The following SEZ6 variants were observed in gnomAD, a reference collection of about 807,000 sequenced individuals.
SEZ6 encodes the protein seizure protein 6 homolog.
SEZ6 carries 53 observed loss-of-function variants against 101.0 expected under a neutral mutation model. That is an observed-to-expected ratio of 0.52 (90% CI 0.42 to 0.66). SEZ6 has a LOEUF of 0.66. SEZ6 is among the 30% of genes least tolerant of loss of function. The pLI is 0.00. For missense variants in SEZ6, 1,102 were observed against 1,289.4 expected (o/e 0.85, Z 2.23); for synonymous variants, 488 against 512.2 (o/e 0.95, Z 0.64).
chr17:28,955,580 G>A lies in SEZ6; in HGVS notation c.*382C>T. 6.2e-6 allele frequency: 3 copies of A among 483,342 alleles called. No individual in the cohort carries two copies. Among genetic ancestry groups the A allele is most frequent in the South Asian group, 4.6e-5 (3 of 64,698 alleles). 29.9% of individuals were successfully genotyped at this position (483,342 alleles called of 1,614,324 possible). ...CATGGTCAAGTTAATCCTGCTGCAG[G>A]TTGCCATGCCAGGGCGGGATGGTGG... On this transcript the variant is annotated 3_prime_UTR_variant, in exon 17 of 17. Transcript: ENST00000317338.
Position 28,981,425 on chromosome 17 carries a change from TCTC to T in SEZ6, c.667_669del (p.Glu223del), listed in dbSNP as rs767181698. 2.4e-5 allele frequency: 37 copies of T among 1,556,206 alleles called. No homozygotes were observed. Among genetic ancestry groups the T allele is most frequent in the Non-Finnish European group, 2.6e-5 (30 of 1,149,544 alleles). ...GTGATGATGGTGGTGGTAGTGGTGG[TCTC>T]CTCATCATCTCCTGAAGCTGTGGAG... On this transcript the variant is annotated inframe_deletion, in exon 2 of 17. Transcript: ENST00000317338.
At chr17:28,965,415 G>A (rs1312715658) in intron 4 of SEZ6, among the ~76,000 whole-genome samples, 2 of 152,090 alleles carry the variant, frequency 1.3e-5, no homozygotes, top group East Asian at 1.9e-4. Context: ...AAGGTGGGAG[G>A]ATTGCTTGAG....
chr17:28,972,003 G>A (rs763211817), intron 3 of SEZ6, among the ~76,000 whole-genome samples: 7 of 152,240 alleles, frequency 4.6e-5, no homozygotes, highest in African/African-American at 7.2e-5. Flanking sequence ...GTATCTCTGC[G>A]GCCCTCATTA....
At chr17:28,989,000 C>A (rs1307764658) in intron 1 of SEZ6, among the ~76,000 whole-genome samples, 1 of 152,186 alleles carries the variant, frequency 6.6e-6, no homozygotes, top group African/African-American at 2.4e-5. Context: ...CCTTAGCCAT[C>A]CTGGTTGGGG....
Position 28,959,608 on chromosome 17 carries a change from C to A in SEZ6, c.1771+90G>T. The A allele has an allele frequency of 1.3e-6, 2 of 1,535,442 alleles. No individual in the cohort carries two copies. Among genetic ancestry groups the A allele is most frequent in the South Asian group, 2.5e-5 (2 of 80,200 alleles). ...GAGGAAGCCTGAACCACGCATATCA[C>A]AGGGCCCCTGTGGCCCCGGGCTCTG... is the stretch of plus-strand genomic sequence containing the variant. On this transcript the variant is annotated intron_variant, in intron 8 of 16. Coordinates refer to ENST00000317338, the MANE Select transcript of SEZ6 (RefSeq NM_178860.5). The surrounding 1 kb of genome is among the most constrained non-coding windows in gnomAD (Gnocchi z 4.4).
At chr17:28,967,584 G>A (rs948569210) in intron 4 of SEZ6, among the ~76,000 whole-genome samples, 15 of 152,314 alleles carry the variant, frequency 9.8e-5, no homozygotes, top group African/African-American at 3.6e-4. Context: ...GGGGTGTGGG[G>A]CACCACACCC....
At chr17:28,994,244 G>A (rs549204368) in intron 1 of SEZ6, among the ~76,000 whole-genome samples, 5 of 152,126 alleles carry the variant, frequency 3.3e-5, no homozygotes, top group Admixed American at 1.3e-4. Context: ...GGGCCTGGCC[G>A]GTTTTTCACA....
At chr17:28,967,873 G>A (rs778989078) in intron 4 of SEZ6, among the ~76,000 whole-genome samples, 5 of 152,118 alleles carry the variant, frequency 3.3e-5, no homozygotes, top group Non-Finnish European at 7.4e-5. Context: ...CATGACAACC[G>A]TTCCCGGGGA....
In SEZ6 at chr17:28,960,859, C is replaced by G. The variant is rs766040195; in HGVS notation, c.1355G>C (p.Gly452Ala). 6.2e-7 allele frequency: 1 copy of G among 1,613,962 alleles called. No individual in the cohort carries two copies. The highest frequency in any genetic ancestry group is 2.2e-5 in the East Asian group (1 of 44,882). Residue 452 changes from glycine (G) to alanine (A), a missense_variant, in exon 6 of 17, where the codon GGC (glycine) becomes GCC (alanine). Transcript: ENST00000317338. ...CTCAAAGTGCAGGTGTAGCCGCTGG[C>G]CCTCAGGAGCCTCAAGCAGCCAGTG... ...TCHWLLEAPE[G>A]QRLHLHFEKV...
At chr17:28,973,839 C>A in intron 3 of SEZ6, among the ~76,000 whole-genome samples, 1 of 152,162 alleles carries the variant, frequency 6.6e-6, no homozygotes, top group East Asian at 1.9e-4. Context: ...ATACCCATAG[C>A]CAGTGACAGG....
At chr17:29,000,062 A>G (rs139312587) in intron 1 of SEZ6, among the ~76,000 whole-genome samples, 2 of 152,370 alleles carry the variant, frequency 1.3e-5, no homozygotes, top group East Asian at 1.9e-4. Flanking sequence ...AATAACTTCT[A>G]TCTCACAGAG....
chr17:28,977,657 C>T (rs563265479), intron 3 of SEZ6, among the ~76,000 whole-genome samples: 1 of 152,248 alleles, frequency 6.6e-6, no homozygotes, highest in Admixed American at 6.5e-5. Context: ...GTGGAGGGTG[C>T]CAGGGCTGGG....
At chr17:28,969,124 G>C (rs2152686112) in intron 4 of SEZ6, among the ~76,000 whole-genome samples, 1 of 152,332 alleles carries the variant, frequency 6.6e-6, no homozygotes, top group South Asian at 2.1e-4. Context: ...AACAGCCAAT[G>C]AGGAGATTCA....
chr17:28,980,199 TTTTC>T (rs2041279289), intron 2 of SEZ6, among the ~76,000 whole-genome samples: 1 of 139,470 alleles, frequency 7.2e-6, no homozygotes, highest in Non-Finnish European at 1.5e-5. Flanking sequence ...ATGAGGTTTG[TTTTC>T]TTTCTTTTTT....
chr17:28,992,036 A>G (rs2041468362), intron 1 of SEZ6, among the ~76,000 whole-genome samples: 2 of 152,194 alleles, frequency 1.3e-5, no homozygotes, highest in Non-Finnish European at 2.9e-5. Flanking sequence ...CACCGAGGGC[A>G]GAGTATCTGG....
rs190268441 is a variant in SEZ6 at position 28,970,344 on chromosome 17, G to C, written c.859-392C>G. Reference sequence around the variant, plus strand: ...TGAACCAGATGGTGTCCGAGGCCCTGGTCAGCAGTATGAGGTCTTAAATAT... The same window carrying C: ...TGAACCAGATGGTGTCCGAGGCCCTCGTCAGCAGTATGAGGTCTTAAATAT... On this transcript the variant is annotated intron_variant, in intron 3 of 16. Coordinates refer to ENST00000317338, the MANE Select transcript of SEZ6 (RefSeq NM_178860.5). 1.2e-3 allele frequency among the ~76,000 whole-genome samples: 182 copies of C among 152,278 alleles called. 1 individual carries two copies. The highest frequency in any genetic ancestry group is 4.1e-3 in the African/African-American group (171 of 41,556).
chr17:28,971,844 G>A (rs1282591041), intron 3 of SEZ6, among the ~76,000 whole-genome samples: 1 of 152,122 alleles, frequency 6.6e-6, no homozygotes, highest in African/African-American at 2.4e-5. Context: ...TTTTGTTACT[G>A]TCCTGGCCCT....
chr17:28,989,741 T>C (rs2041431323), intron 1 of SEZ6, among the ~76,000 whole-genome samples: 1 of 152,146 alleles, frequency 6.6e-6, no homozygotes, highest in Non-Finnish European at 1.5e-5. Flanking sequence ...TAAATGATAA[T>C]AGCCCTTCCC....
At chr17:28,971,445 T>A (rs557409369) in intron 3 of SEZ6, among the ~76,000 whole-genome samples, 32 of 152,018 alleles carry the variant, frequency 2.1e-4, no homozygotes, top group African/African-American at 7.2e-4. Flanking sequence ...ATACAAAGAT[T>A]AGCTGGGCGT....
Sources: gnomAD v4.1 joint callset for allele counts (sites outside exome capture counted in the v4.1 genomes callset) on GRCh38, gnomAD v4.1.1 for gene constraint, Gnocchi (gnomAD v3.1) non-coding constraint, MANE v1.5 for transcripts, NCBI Gene and HGNC (gene_info 2026-07-23, HGNC 2026-07-21) for gene names.